BACE2: variants seen among roughly 807,000 people sequenced by gnomAD.
BACE2 encodes the protein beta-secretase 2, also known as 56 kDa aspartic-like protease.
BACE2 carries 17 observed loss-of-function variants against 46.2 expected under a neutral mutation model. The ratio of observed to expected loss-of-function variants is 0.37; its 90% CI spans 0.25 to 0.55. The LOEUF (loss-of-function observed/expected upper bound fraction) is 0.55, where lower values mean the gene tolerates loss of function less well. Among genes scored for constraint, BACE2 ranks in the 20% least tolerant of loss-of-function variants. The probability of loss-of-function intolerance (pLI) is 0.82; values close to 1 mark genes in which losing one functional copy is unlikely to be tolerated. For missense variants in BACE2, 595 were observed against 698.1 expected, an observed-to-expected ratio of 0.85 and a Z score of 1.66; for synonymous variants, 277 against 295.9, an observed-to-expected ratio of 0.94 and a Z score of 0.66.
chr21:41,238,076 T>C (rs1164287460), intron 3 of BACE2, among the ~76,000 whole-genome samples: 1 of 152,258 alleles, frequency 6.6e-6, no homozygotes, highest in Non-Finnish European at 1.5e-5. Context: ...TTTATTAAAT[T>C]CATACGTTTG....
intron 1 of BACE2, chr21:41,183,940 T>G (rs1985251157): frequency 6.0e-6 from 1 of 167,108 alleles, no homozygotes; most frequent in Non-Finnish European, 1.5e-5. Flanking sequence ...ATGCTAATTT[T>G]GTAACATTTT....
In BACE2 at chr21:41,193,221, C is replaced by G. The variant is rs1485206260; in HGVS notation, c.312+24646C>G. Among the ~76,000 whole-genome samples the G allele has an allele frequency of 6.6e-6, 1 of 152,186 alleles. No individual in the cohort carries two copies. The highest frequency in any genetic ancestry group is 1.5e-5 in the Non-Finnish European group (1 of 68,040). ...AGGTAGGACAGTAAAGGTGTATTGCCGGCCTTGCCAGCGGAAGGCAAATTG... is the reference window on the plus strand; with the variant it reads ...AGGTAGGACAGTAAAGGTGTATTGCGGGCCTTGCCAGCGGAAGGCAAATTG... On this transcript the variant is annotated intron_variant, in intron 1 of 8. Coordinates refer to ENST00000330333, the MANE Select transcript of BACE2 (RefSeq NM_012105.5). This position sits in a 1 kb window ranked among gnomAD's most constrained non-coding sequence, Gnocchi z 4.2.
intron 7 of BACE2, among the ~76,000 whole-genome samples, chr21:41,251,999 G>C (rs1165000934): frequency 6.6e-6 from 1 of 151,896 alleles, no homozygotes; most frequent in Non-Finnish European, 1.5e-5. Flanking sequence ...CCGTTACTGA[G>C]CCCTTGCGCG....
At chr21:41,257,408 G>A in intron 8 of BACE2, 82 bp downstream of exon 8, 1 of 1,444,678 alleles carries the variant, frequency 6.9e-7, no homozygotes, top group Non-Finnish European at 9.5e-7. Context: ...ATTCTTGATG[G>A]CAACTCAATT....
intron 1 of BACE2, among the ~76,000 whole-genome samples, chr21:41,215,635 T>G (rs1387419337): frequency 1.3e-5 from 2 of 152,198 alleles, no homozygotes; most frequent in African/African-American, 4.8e-5. Context: ...GGAATGTGAC[T>G]TCTATGGGAG....
intron 8 of BACE2, among the ~76,000 whole-genome samples, chr21:41,265,912 G>A (rs1402815951): frequency 6.6e-6 from 1 of 152,106 alleles, no homozygotes; most frequent in Non-Finnish European, 1.5e-5. Context: ...TTTCATGTTT[G>A]ATTTAACTTG....
At chr21:41,223,945 G>A (rs530752124) in intron 1 of BACE2, among the ~76,000 whole-genome samples, 2 of 152,224 alleles carry the variant, frequency 1.3e-5, no homozygotes, top group East Asian at 1.9e-4. Context: ...GCTGAGCCCC[G>A]GGAAAGTTCA....
intron 2 of BACE2, among the ~76,000 whole-genome samples, chr21:41,232,018 ACC>A (rs1986978416): frequency 1.5e-5 from 2 of 135,804 alleles, no homozygotes; most frequent in African/African-American, 6.4e-5. Context: ...ACTGAGAATT[ACC>A]TTTTTTTTTT....
At chr21:41,224,043 G>T (rs1410016322) in intron 1 of BACE2, among the ~76,000 whole-genome samples, 2 of 152,026 alleles carry the variant, frequency 1.3e-5, no homozygotes, top group African/African-American at 4.8e-5. Context: ...GGGGCCCCGG[G>T]ATCCAGAGTG....
intron 8 of BACE2, among the ~76,000 whole-genome samples, chr21:41,268,604 C>T (rs1407847193): frequency 6.6e-6 from 1 of 152,138 alleles, no homozygotes; most frequent in African/African-American, 2.4e-5. Flanking sequence ...ATCCATGACT[C>T]TTTTAATTAT....
intron 1 of BACE2, among the ~76,000 whole-genome samples, chr21:41,212,892 T>C (rs1001001028): frequency 1.3e-5 from 2 of 152,248 alleles, no homozygotes; most frequent in South Asian, 2.1e-4. Context: ...GTTATTTATA[T>C]AGCAGCTGGG....
At chr21:41,198,610 G>A (rs551892270) in intron 1 of BACE2, among the ~76,000 whole-genome samples, 1 of 152,286 alleles carries the variant, frequency 6.6e-6, no homozygotes, top group East Asian at 1.9e-4. Flanking sequence ...TCCAACAGGG[G>A]TCTCCATGCA....
At chr21:41,223,374 G>T (rs1384602554) in intron 1 of BACE2, among the ~76,000 whole-genome samples, 1 of 151,710 alleles carries the variant, frequency 6.6e-6, no homozygotes, top group Non-Finnish European at 1.5e-5. Flanking sequence ...AAAACCCCAG[G>T]AATGTATTCT....
chr21:41,276,787 C>T lies in BACE2; in HGVS notation c.*1163C>T, dbSNP rs2088494660. On this transcript the variant is annotated 3_prime_UTR_variant, in exon 9 of 9. Coordinates refer to ENST00000330333, the MANE Select transcript of BACE2 (RefSeq NM_012105.5). ...CCGTGCTTCGAAACCGTGTGTTTCC[C>T]TTTGCAGAACTGGTTAGCCTCAAGC... The T allele has an allele frequency of 6.6e-6, 1 of 152,214 alleles. No homozygotes were observed. The highest frequency in any genetic ancestry group is 1.9e-4 in the East Asian group (1 of 5,182). 9.4% of individuals were successfully genotyped at this position (152,214 alleles called of 1,614,324 possible).
At chr21:41,177,386 A>G (rs1325526302) in intron 1 of BACE2, 2 of 152,272 alleles carry the variant, frequency 1.3e-5, no homozygotes, top group Non-Finnish European at 2.9e-5. Flanking sequence ...TCTGTGCTCT[A>G]AAATAAGGCA....
intron 1 of BACE2, chr21:41,178,228 A>C (rs1386542873): frequency 6.6e-6 from 1 of 152,278 alleles, no homozygotes; most frequent in Non-Finnish European, 1.5e-5. Context: ...TGTCCAGTGG[A>C]AACAGCTGCC....
chr21:41,243,538 C>T lies in BACE2; in HGVS notation c.882+28C>T, dbSNP rs768019666. The T allele has an allele frequency of 6.3e-6, 10 of 1,587,152 alleles. No individual in the cohort carries two copies. The African/African-American group carries it at 1.1e-4, about 17-fold the overall frequency. ...ATTTATGCTATGGTCTCTGTTGTGT[C>T]TTTCTGTGTATGTCTGGGTCCCTTA... On this transcript the variant is annotated intron_variant, in intron 5 of 8. Transcript: ENST00000330333.
At chr21:41,229,603 A>T (rs576581759) in intron 2 of BACE2, among the ~76,000 whole-genome samples, 1 of 152,272 alleles carries the variant, frequency 6.6e-6, no homozygotes, top group Non-Finnish European at 1.5e-5. Context: ...ACTCTGCATT[A>T]TCAAGACTAT....
intron 8 of BACE2, among the ~76,000 whole-genome samples, chr21:41,267,921 T>A (rs932668200): frequency 6.6e-6 from 1 of 152,184 alleles, no homozygotes; most frequent in African/African-American, 2.4e-5. Context: ...TTCTCATTAT[T>A]TTGTATGCTA....
Sources: allele counts gnomAD v4.1 joint callset (sites outside exome capture counted in the v4.1 genomes callset), GRCh38; gene constraint gnomAD v4.1.1; non-coding constraint Gnocchi (gnomAD v3.1); transcripts MANE v1.5; gene names NCBI Gene and HGNC (gene_info 2026-07-23, HGNC 2026-07-21).